The following INSR variants were observed in gnomAD, a reference collection of about 807,000 sequenced individuals.
The protein encoded by INSR is IR.
INSR carries 67 observed loss-of-function variants against 142.6 expected under a neutral mutation model. That is an observed-to-expected ratio of 0.47 (90% CI 0.39 to 0.58). INSR has a LOEUF of 0.58. INSR is among the 20% of genes least tolerant of loss of function. The pLI is 0.00. For missense variants in INSR, 1,248 were observed against 1,833.2 expected, an observed-to-expected ratio of 0.68 and a Z score of 5.83; for synonymous variants, 756 against 743.1, an observed-to-expected ratio of 1.02 and a Z score of -0.28.
intron 2 of INSR, among the ~76,000 whole-genome samples, chr19:7,226,233 A>G (rs1480090926): frequency 6.6e-6 from 1 of 150,684 alleles, no homozygotes; most frequent in Non-Finnish European, 1.5e-5. Flanking sequence ...TGGTGAAACC[A>G]CATCTCTACT....
chr19:7,194,321 G>A (rs1304316530), intron 2 of INSR, among the ~76,000 whole-genome samples: 2 of 151,864 alleles, frequency 1.3e-5, no homozygotes, highest in Non-Finnish European at 2.9e-5. Context: ...GGAGGCTGAG[G>A]CAGGAGAATT....
At chr19:7,213,934 G>A (rs927735419) in intron 2 of INSR, among the ~76,000 whole-genome samples, 1 of 151,790 alleles carries the variant, frequency 6.6e-6, no homozygotes, top group East Asian at 1.9e-4. Flanking sequence ...AGGTTTCAGT[G>A]AGCAGAGATT....
chr19:7,201,209 T>G (rs1041755133), intron 2 of INSR, among the ~76,000 whole-genome samples: 6 of 152,162 alleles, frequency 3.9e-5, no homozygotes, highest in African/African-American at 1.4e-4. Context: ...ATACCCATTC[T>G]CTGGGGCAAA....
At chr19:7,121,344 C>T (rs1972487066) in intron 19 of INSR, among the ~76,000 whole-genome samples, 1 of 152,168 alleles carries the variant, frequency 6.6e-6, no homozygotes, top group Admixed American at 6.5e-5. Context: ...TCACTTCCTG[C>T]TGCCCCTTGC....
intron 2 of INSR, among the ~76,000 whole-genome samples, chr19:7,238,818 A>G (rs73490773): frequency 0.05 from 7,543 of 151,832 alleles, 484 homozygotes; most frequent in East Asian, 0.18. Flanking sequence ...CCATGCTTCA[A>G]TCAGGAAGGG....
rs1413502338 is a variant in INSR at position 7,267,608 on chromosome 19, T to A, written c.389A>T (p.Glu130Val). 1 of 1,614,054 alleles carries A rather than the reference T, an allele frequency of 6.2e-7. No homozygotes were observed. The highest frequency in any genetic ancestry group is 1.1e-5 in the South Asian group (1 of 91,082). The change falls in exon 2 of 22, where the codon GAA becomes GTA. Residue 130 changes from glutamate to valine, a missense_variant. Physicochemically the swap from Glu to Val is moderately radical, Grantham distance 121 (BLOSUM62 -2). Coordinates refer to ENST00000302850, the MANE Select transcript of INSR (RefSeq NM_000208.4). This position sits in a 1 kb window ranked among gnomAD's most constrained non-coding sequence, Gnocchi z 6.3. ...GTTCATCAGGTTGTAGAGGCCGAGT[T>A]CCTTGAGGTGAACCATCTCGAAGAT... is the stretch of plus-strand genomic sequence containing the variant. ...LVIFEMVHLK[E>V]LGLYNLMNIT...
At position 7,123,142 on chromosome 19, in the gene INSR, C is replaced by T. The variant is rs1030375685; in HGVS notation, c.3259-153G>A. The T allele has an allele frequency of 1.8e-5, 12 of 653,832 alleles. No individual in the cohort carries two copies. Among genetic ancestry groups the T allele is most frequent in the East Asian group, 5.5e-5 (2 of 36,590 alleles). The allele number at this position is 653,832 out of a possible 1,614,324, so 40.5% of individuals were successfully genotyped here. ...GTCTAGGAGAGCAGACATACCTGCCCGGACAGCAGACAGATAGGCCTTTGT... is the reference window on the plus strand; with the variant it reads ...GTCTAGGAGAGCAGACATACCTGCCTGGACAGCAGACAGATAGGCCTTTGT... On this transcript the variant is annotated intron_variant, in intron 17 of 21. Transcript: ENST00000302850.
At chr19:7,246,790 G>A (rs1976549204) in intron 2 of INSR, among the ~76,000 whole-genome samples, 1 of 151,782 alleles carries the variant, frequency 6.6e-6, no homozygotes, top group East Asian at 1.9e-4. Flanking sequence ...TTTCAGGGTG[G>A]TTTGTTACAC....
rs552324392 is a variant in INSR, at chr19:7,230,815, A to T, written c.652+36530T>A. On this transcript the variant is annotated intron_variant, in intron 2 of 21. Coordinates refer to ENST00000302850, the MANE Select transcript of INSR (RefSeq NM_000208.4). The stretch of plus-strand genomic sequence containing the variant: ...AGTGAGACTCCATCTCAAAAATAAA[A>T]AAAAAATAAAAAATATTAGCTCAAG... 1.2e-3 allele frequency among the ~76,000 whole-genome samples: 175 copies of T among 151,710 alleles called. 2 individuals are homozygous for T. Among genetic ancestry groups the T allele is most frequent in the South Asian group, 9.4e-3 (45 of 4,798 alleles).
chr19:7,289,509 G>A lies in INSR; in HGVS notation c.100+4283C>T, dbSNP rs370221902. 1.6e-3 allele frequency among the ~76,000 whole-genome samples: 235 copies of A among 149,978 alleles called. 3 individuals are homozygous for A. Among genetic ancestry groups the A allele is most frequent in the Middle Eastern group, 0.014 (4 of 292 alleles). On this transcript the variant is annotated intron_variant, in intron 1 of 21. Transcript: ENST00000302850. ...CAAGCTCTGCCTCCCAGGTTCAAGC[G>A]ATTCTCCTGCCTCAGCCTCCCAAGT...
intron 11 of INSR, among the ~76,000 whole-genome samples, chr19:7,146,236 CTTTTTTTTT>C (rs35961932): frequency 9.0e-6 from 1 of 110,756 alleles, no homozygotes; most frequent in African/African-American, 3.5e-5. Context: ...TTGTCAAGTT[CTTTTTTTTT>C]TTTTTTTTTT....
chr19:7,231,305 T>G (rs140492182), intron 2 of INSR, among the ~76,000 whole-genome samples: 25,942 of 148,036 alleles, frequency 0.18, 2,529 homozygotes, highest in Non-Finnish European at 0.23. Context: ...GTTTTTTTTT[T>G]TTTTTTTTTT....
At chr19:7,184,854 G>A (rs568926397) in intron 2 of INSR, among the ~76,000 whole-genome samples, 1 of 152,222 alleles carries the variant, frequency 6.6e-6, no homozygotes, top group South Asian at 2.1e-4. Context: ...CCAAACCATT[G>A]GTGAGCTTGT....
chr19:7,191,274 TGAGA>T, intron 2 of INSR, among the ~76,000 whole-genome samples: 1 of 137,094 alleles, frequency 7.3e-6, no homozygotes. Context: ...GAAGAGAGAG[TGAGA>T]CTCTGTCTCA....
At chr19:7,147,724 A>G (rs1327540601) in intron 11 of INSR, among the ~76,000 whole-genome samples, 1 of 152,204 alleles carries the variant, frequency 6.6e-6, no homozygotes, top group Non-Finnish European at 1.5e-5. Flanking sequence ...CAAGATTCAG[A>G]TAATTTCTAT....
intron 11 of INSR, among the ~76,000 whole-genome samples, chr19:7,146,833 G>C (rs1973198216): frequency 6.6e-6 from 1 of 152,136 alleles, no homozygotes; most frequent in Non-Finnish European, 1.5e-5. Context: ...AATTTAGCAA[G>C]TGCACCATTG....
chr19:7,153,411 TCACACACAC>T, intron 9 of INSR, among the ~76,000 whole-genome samples: 1 of 6,608 alleles, frequency 1.5e-4, no homozygotes, highest in East Asian at 3.0e-3. Context: ...CATACACACT[TCACACACAC>T]CACACACCAC....
At chr19:7,130,884 T>C (rs936838857) in intron 14 of INSR, among the ~76,000 whole-genome samples, 24 of 150,960 alleles carry the variant, frequency 1.6e-4, no homozygotes, top group Non-Finnish European at 2.7e-4. Flanking sequence ...TCTTTCTTTC[T>C]TTTTTATTTT....
In INSR at chr19:7,225,006, G is replaced by A. The variant is rs1032825384; in HGVS notation, c.653-40369C>T. On this transcript the variant is annotated intron_variant, in intron 2 of 21. Coordinates refer to ENST00000302850, the MANE Select transcript of INSR (RefSeq NM_000208.4). The surrounding 1 kb of genome is among the most constrained non-coding windows in gnomAD (Gnocchi z 4.7). ...CAGACAGACAGAGACAGAGAGGGGA[G>A]TATCCCATTAAGGCAGCAGGGCAGC... Among the ~76,000 whole-genome samples, 2 of 152,122 alleles carry A rather than the reference G, an allele frequency of 1.3e-5. No homozygotes were observed. The highest frequency in any genetic ancestry group is 2.9e-5 in the Non-Finnish European group (2 of 68,024).
Sources: allele counts gnomAD v4.1 joint callset (sites outside exome capture counted in the v4.1 genomes callset), GRCh38; gene constraint gnomAD v4.1.1; non-coding constraint Gnocchi (gnomAD v3.1); transcripts MANE v1.5; gene names NCBI Gene and HGNC (gene_info 2026-07-23, HGNC 2026-07-21).